Variants in NWD1 observed in about 807,000 individuals in gnomAD.
NWD1 encodes the protein NACHT domain- and WD repeat-containing protein 1.
In NWD1, 129 loss-of-function variants were observed where a neutral mutation model predicts 135.1. The observed-to-expected ratio is 0.96, with a 90% CI of 0.83 to 1.11. The LOEUF (loss-of-function observed/expected upper bound fraction) is 1.11, where lower values mean the gene tolerates loss of function less well. NWD1 is among the 50% of genes least tolerant of loss of function. The pLI is 0.00. For synonymous variants in NWD1, 773 were observed against 786.0 expected (o/e 0.98, Z 0.28); for missense variants, 1,740 against 1,851.3 (o/e 0.94, Z 1.10).
intron 4 of NWD1, among the ~76,000 whole-genome samples, chr19:16,743,983 G>A (rs773312310): frequency 1.1e-4 from 17 of 152,100 alleles, no homozygotes; most frequent in Non-Finnish European, 2.1e-4. Flanking sequence ...GCGCCTGGCC[G>A]ATATACATTT....
chr19:16,750,344 A>G lies in NWD1; in HGVS notation c.1702A>G (p.Thr568Ala), dbSNP rs1279168048. The G allele has an allele frequency of 6.2e-7, 1 of 1,611,344 alleles. No individual in the cohort carries two copies. The highest frequency in any genetic ancestry group is 1.3e-5 in the African/African-American group (1 of 74,816). Residue 568 changes from threonine (T) to alanine (A), a missense_variant, in exon 6 of 19, where the codon ACC becomes GCC. Thr to Ala is a moderately conservative substitution (Grantham distance 58). Coordinates refer to ENST00000524140, the MANE Select transcript of NWD1 (RefSeq NM_001007525.5). ...AGAGGAAGCCACGCACCAACTCTGC[A>G]CCCGCCTGGAGCAGACACACGGGCA... ...TAEEATHQLCTRLEQTHGQLL... is the reference protein window; with the variant it reads ...TAEEATHQLCARLEQTHGQLL...
chr19:16,764,034 C>A, intron 9 of NWD1, 89 bp downstream of exon 9: 1 of 800,170 alleles, frequency 1.2e-6, no homozygotes, highest in South Asian at 1.5e-5. Context: ...GAAGGGCAAA[C>A]ATGGAAATCC....
intron 9 of NWD1, among the ~76,000 whole-genome samples, chr19:16,764,614 C>A (rs1969151627): frequency 1.3e-5 from 2 of 152,060 alleles, no homozygotes; most frequent in African/African-American, 2.4e-5. Flanking sequence ...TCCATCCACC[C>A]ATCATTCTAT....
At chr19:16,805,357 C>T (rs566260095) in intron 17 of NWD1, among the ~76,000 whole-genome samples, 4 of 152,002 alleles carry the variant, frequency 2.6e-5, no homozygotes, top group African/African-American at 9.7e-5. Flanking sequence ...CTGTGCCCAG[C>T]CAAATTTTGT....
At chr19:16,764,885 C>A in intron 9 of NWD1, 149 bp from the exon 10 acceptor site, 2 of 845,262 alleles carry the variant, frequency 2.4e-6, no homozygotes, top group Non-Finnish European at 3.7e-6. Context: ...CATAGTTCAG[C>A]CCCTTACCAC....
chr19:16,806,766 G>A (rs972371796), intron 17 of NWD1, among the ~76,000 whole-genome samples: 3 of 152,032 alleles, frequency 2.0e-5, no homozygotes, highest in Non-Finnish European at 2.9e-5. Flanking sequence ...TGTAATCCCA[G>A]CATTTTGGGA....
intron 11 of NWD1, among the ~76,000 whole-genome samples, chr19:16,775,541 G>T (rs1969570007): frequency 6.6e-6 from 1 of 152,062 alleles, no homozygotes; most frequent in Non-Finnish European, 1.5e-5. Context: ...AGAAGCAGAT[G>T]GCAGGCCTCT....
At chr19:16,814,924 G>C in intron 18 of NWD1, 104 bp from the exon 19 acceptor site, 2 of 936,566 alleles carry the variant, frequency 2.1e-6, no homozygotes, top group Non-Finnish European at 3.3e-6. Context: ...AATTAGTAGA[G>C]GGCATAGCAG....
At chr19:16,777,010 AG>A (rs1969626443) in intron 11 of NWD1, among the ~76,000 whole-genome samples, 2 of 96,368 alleles carry the variant, frequency 2.1e-5, no homozygotes, top group Non-Finnish European at 2.1e-5. Flanking sequence ...AGGAGAGGGA[AG>A]AGGGAAGGAA....
At chr19:16,791,660 CAG>C in intron 14 of NWD1, 38 bp downstream of exon 14, 1 of 1,597,856 alleles carries the variant, frequency 6.3e-7, no homozygotes, top group Non-Finnish European at 8.6e-7. Context: ...AACATTAACT[CAG>C]CTTGAAAGTG....
At position 16,730,674 on chromosome 19, in the gene NWD1, ACCACTGC is replaced by A. The variant is rs143381044; in HGVS notation, c.-6-515_-6-509del. Among the ~76,000 whole-genome samples, 1,164 of 152,076 alleles carry A rather than the reference ACCACTGC, an allele frequency of 7.7e-3. 15 individuals are homozygous for A. Among genetic ancestry groups the A allele is most frequent in the African/African-American group, 0.027 (1,125 of 41,494 alleles). On this transcript the variant is annotated intron_variant, in intron 2 of 18. Transcript: ENST00000524140. ...TGAGGTTACAGTGAGCTATGATTGCACCACTGCCCTCCAGCCTGGGTGATGGAGTGAG... is the reference window on the plus strand; with the variant it reads ...TGAGGTTACAGTGAGCTATGATTGCACCTCCAGCCTGGGTGATGGAGTGAG...
Position 16,789,103 on chromosome 19 carries a change from A to G in NWD1, c.2853A>G (p.Gly951=). Residue 951 remains glycine, a synonymous_variant, in exon 13 of 19, where the codon GGA becomes GGG. Coordinates refer to ENST00000524140, the MANE Select transcript of NWD1 (RefSeq NM_001007525.5). ...AGGAGAAATTTACCATTTGGGATGG[A>G]GGCTCAAAAAATCCCGCTGAACCTC... is the stretch of plus-strand genomic sequence containing the variant. The part of the protein sequence containing the change: ...SGQEKFTIWD[G]GSKNPAEPQI... 1 of 1,613,932 alleles carries G rather than the reference A, an allele frequency of 6.2e-7. No individual in the cohort carries two copies. The highest frequency in any genetic ancestry group is 8.5e-7 in the Non-Finnish European group (1 of 1,179,876).
At chr19:16,760,765 AT>A (rs1181354025) in intron 7 of NWD1, among the ~76,000 whole-genome samples, 1 of 151,362 alleles carries the variant, frequency 6.6e-6, no homozygotes, top group African/African-American at 2.4e-5. Flanking sequence ...TAATTTTTGT[AT>A]TTTTAGTAGA....
rs1398528195 is a variant in NWD1 at position 16,731,290 on chromosome 19, T to C, written c.81+12T>C. Reference sequence around the variant, plus strand: ...GCTTGATGTTTGAGGTAACTGGAAGTCACTCCGGGCTCCATGCTTTTTTTA... The same window carrying C: ...GCTTGATGTTTGAGGTAACTGGAAGCCACTCCGGGCTCCATGCTTTTTTTA... On this transcript the variant is annotated intron_variant, in intron 3 of 18. Coordinates refer to ENST00000524140, the MANE Select transcript of NWD1 (RefSeq NM_001007525.5). 1 of 1,477,184 alleles carries C rather than the reference T, an allele frequency of 6.8e-7. No individual in the cohort carries two copies. The highest frequency in any genetic ancestry group is 2.0e-5 in the Admixed American group (1 of 50,740). The allele number at this position is 1,477,184 out of a possible 1,614,324, so 91.5% of individuals were successfully genotyped here.
intron 1 of NWD1, among the ~76,000 whole-genome samples, chr19:16,724,008 T>G (rs987969590): frequency 6.6e-6 from 1 of 152,134 alleles, no homozygotes; most frequent in Non-Finnish European, 1.5e-5. Flanking sequence ...TGACACCATT[T>G]TTAAATTCTC....
In NWD1 at chr19:16,764,037, G is replaced by A. The variant is rs1969122688; in HGVS notation, c.2251+92G>A. 2.2e-5 allele frequency: 17 copies of A among 790,114 alleles called. No homozygotes were observed. The South Asian group carries it at 2.5e-4, about 12-fold the overall frequency. The allele number at this position is 790,114 out of a possible 1,614,324, so 48.9% of individuals were successfully genotyped here. ...CCTGGGGAGGGTGAAGGGCAAACAT[G>A]GAAATCCTTCGTTCCTCCTAAGGCA... On this transcript the variant is annotated intron_variant, in intron 9 of 18. Transcript: ENST00000524140.
In NWD1 at chr19:16,815,031, C is replaced by T; in HGVS notation, c.4291C>T (p.Pro1431Ser). The T allele has an allele frequency of 2.5e-6, 4 of 1,613,908 alleles. No individual in the cohort carries two copies. The East Asian group carries it at 8.9e-5, about 36-fold the overall frequency. The change falls in exon 19 of 19, where the codon CCC becomes TCC. Residue 1431 changes from proline to serine, a missense_variant. Coordinates refer to ENST00000524140, the MANE Select transcript of NWD1 (RefSeq NM_001007525.5). ...KWKFEMSYTA[P>S]C ...GTCCTTCTCTTCACCCTTACAGGCA[C>T]CCTGCTGACAGTCCAGTTTGTCCAT...
At chr19:16,743,565 G>A (rs753545227) in intron 4 of NWD1, among the ~76,000 whole-genome samples, 4 of 151,976 alleles carry the variant, frequency 2.6e-5, no homozygotes, top group East Asian at 1.9e-4. Context: ...CTATAAGGGC[G>A]GTCAACTTCA....
intron 17 of NWD1, among the ~76,000 whole-genome samples, chr19:16,800,528 C>T (rs1348771471): frequency 1.3e-5 from 2 of 151,910 alleles, no homozygotes; most frequent in African/African-American, 2.4e-5. Flanking sequence ...GAGACTCTGT[C>T]CCAGAAAAAT....
Sources: allele counts gnomAD v4.1 joint callset (sites outside exome capture counted in the v4.1 genomes callset), GRCh38; gene constraint gnomAD v4.1.1; transcripts MANE v1.5; gene names NCBI Gene and HGNC (gene_info 2026-07-23, HGNC 2026-07-21).